RNF151: variants seen among roughly 807,000 people sequenced by gnomAD.
The protein encoded by RNF151 is ring finger protein 151.
A neutral mutation model predicts 11.1 loss-of-function variants in RNF151; 9 were observed. The observed-to-expected ratio is 0.81, with a 90% confidence interval of 0.49 to 1.42. The LOEUF (loss-of-function observed/expected upper bound fraction) is 1.42. Among genes scored for constraint, RNF151 ranks in the 40% most tolerant of loss-of-function variants. The pLI, the probability that RNF151 is intolerant of heterozygous loss-of-function variation, is 0.00. For synonymous variants in RNF151, 172 were observed against 140.7 expected (o/e 1.22, Z -1.58); for missense variants, 372 against 342.9 (o/e 1.08, Z -0.67).
chr16:1,966,874 C>T lies in RNF151; in HGVS notation c.-8C>T, dbSNP rs547764577. 4.6e-5 allele frequency: 72 copies of T among 1,573,948 alleles called. No individual in the cohort carries two copies. The East Asian group carries it at 6.1e-4, about 13-fold the overall frequency. On this transcript the variant is annotated 5_prime_UTR_variant, in exon 1 of 4. The change creates a new upstream start codon in the 5' untranslated region. Coordinates refer to ENST00000569714, the MANE Select transcript of RNF151 (RefSeq NM_174903.6). Reference sequence around the variant, plus strand: ...GGGGCCTGTGGAGCTGCTGTCTAGACGCAGATCATGGTGAGCCTGGGGCCC... The same window carrying T: ...GGGGCCTGTGGAGCTGCTGTCTAGATGCAGATCATGGTGAGCCTGGGGCCC...
Position 1,967,749 on chromosome 16 carries a change from G to T in RNF151, c.174G>T (p.Arg58Ser). The T allele has an allele frequency of 1.9e-6, 3 of 1,611,878 alleles. No homozygotes were observed. Among genetic ancestry groups the T allele is most frequent in the Non-Finnish European group, 2.5e-6 (3 of 1,179,078 alleles). The change falls in exon 3 of 4, where the codon AGG becomes AGT. Residue 58 changes from arginine (R) to serine (S), a missense_variant. Arg to Ser is a moderately radical substitution (Grantham distance 110). Coordinates refer to ENST00000569714, the MANE Select transcript of RNF151 (RefSeq NM_174903.6). Reference sequence around the variant, plus strand: ...GACAAAAGACCTGTCCGTGCTGTAGGAAAGAGGTGAAAAGGAAAAAGGTTG... The same window carrying T: ...GACAAAAGACCTGTCCGTGCTGTAGTAAAGAGGTGAAAAGGAAAAAGGTTG... Reference protein sequence around the residue: ...LARQKTCPCCRKEVKRKKVVH... With the variant: ...LARQKTCPCCSKEVKRKKVVH...
At chr16:1,968,027 C>T (rs1401238394) in intron 3 of RNF151, 3 of 702,762 alleles carry the variant, frequency 4.3e-6, no homozygotes, top group Non-Finnish European at 7.8e-6. Context: ...TTTTCCAAGC[C>T]CCTGGGTTAG....
chr16:1,967,432 A>G lies in RNF151; in HGVS notation c.149+13A>G. 1 of 1,610,990 alleles carries G rather than the reference A, an allele frequency of 6.2e-7. No individual in the cohort carries two copies. The highest frequency in any genetic ancestry group is 8.5e-7 in the Non-Finnish European group (1 of 1,178,352). ...GGTGGCTAGCCAGGTGCCAGCGGGTACCCAAGGGGCTGGGAGGGCAGGAGT... is the reference window on the plus strand; with the variant it reads ...GGTGGCTAGCCAGGTGCCAGCGGGTGCCCAAGGGGCTGGGAGGGCAGGAGT... On this transcript the variant is annotated intron_variant, in intron 2 of 3. Transcript: ENST00000569714.
At position 1,968,928 on chromosome 16, in the gene RNF151, A is replaced by T; in HGVS notation, c.*3A>T. On this transcript the variant is annotated 3_prime_UTR_variant, in exon 4 of 4. Coordinates refer to ENST00000569714, the MANE Select transcript of RNF151 (RefSeq NM_174903.6). ...GGGCCAACATACCTTGTAAATAGGT[A>T]AATAAAAGCAGACCCCCGGCCTGCC... is the stretch of plus-strand genomic sequence containing the variant. 6.3e-7 allele frequency: 1 copy of T among 1,581,642 alleles called. No individual in the cohort carries two copies. The highest frequency in any genetic ancestry group is 1.1e-5 in the South Asian group (1 of 87,008).
chr16:1,967,342 T>C lies in RNF151; in HGVS notation c.72T>C (p.His24=), dbSNP rs750255933. 2.1e-5 allele frequency: 34 copies of C among 1,613,574 alleles called. 1 individual carries two copies. The highest frequency in any genetic ancestry group is 2.2e-5 in the East Asian group (1 of 44,898). ...PDSNFVCSVC[H]GVLKRPARLP... is the part of the protein sequence containing the mutation. Reference sequence around the variant, plus strand: ...GCAACTTCGTGTGCTCCGTCTGCCATGGGGTTCTCAAGAGGCCAGCAAGGT... The same window carrying C: ...GCAACTTCGTGTGCTCCGTCTGCCACGGGGTTCTCAAGAGGCCAGCAAGGT... The change falls in exon 2 of 4, where the codon CAT becomes CAC. Residue 24 remains histidine, a synonymous_variant. Transcript: ENST00000569714.
In RNF151 at chr16:1,967,263, G is replaced by A; in HGVS notation, c.4-11G>A. 1.2e-6 allele frequency: 2 copies of A among 1,611,582 alleles called. No individual in the cohort carries two copies. The highest frequency in any genetic ancestry group is 1.7e-6 in the Non-Finnish European group (2 of 1,178,816). ...CTGTCCCAGCCAGGTGCTGACACCTGGCCTTTGCAGGGTGGCGGGTATGAT... is the reference window on the plus strand; with the variant it reads ...CTGTCCCAGCCAGGTGCTGACACCTAGCCTTTGCAGGGTGGCGGGTATGAT... On this transcript the variant is annotated splice_polypyrimidine_tract_variant and intron_variant, in intron 1 of 3. Coordinates refer to ENST00000569714, the MANE Select transcript of RNF151 (RefSeq NM_174903.6).
At chr16:1,968,388 G>T (rs1051413295) in intron 3 of RNF151, 46 bp from the exon 4 acceptor site, 7 of 1,473,782 alleles carry the variant, frequency 4.7e-6, no homozygotes, top group Non-Finnish European at 6.3e-6. Flanking sequence ...GGGGGATTCC[G>T]TGGGTGTCCT....
chr16:1,968,884 G>A lies in RNF151; in HGVS notation c.697G>A (p.Glu233Lys), dbSNP rs760351448. 2.5e-6 allele frequency: 4 copies of A among 1,600,434 alleles called. No homozygotes were observed. The highest frequency in any genetic ancestry group is 2.6e-6 in the Non-Finnish European group (3 of 1,174,334). ...TGCCCCAGAAGGCAACGTTGGGGCT[G>A]AGGTGGTGGGGGAGCCCAGGGCCAA... ...EAAPEGNVGA[E>K]VVGEPRANIP... Residue 233 changes from glutamate to lysine, a missense_variant, in exon 4 of 4, where the codon GAG becomes AAG. Coordinates refer to ENST00000569714, the MANE Select transcript of RNF151 (RefSeq NM_174903.6).
In RNF151 at chr16:1,967,243, C is replaced by T. The variant is rs368171587; in HGVS notation, c.4-31C>T. The T allele has an allele frequency of 6.0e-5, 96 of 1,602,880 alleles. No individual in the cohort carries two copies. In the African/African-American group the frequency reaches 1.2e-3, roughly 20 times the overall value. ...GTGGACCAGGGACTGGATCACTGTC[C>T]CAGCCAGGTGCTGACACCTGGCCTT... On this transcript the variant is annotated intron_variant, in intron 1 of 3. Transcript: ENST00000569714.
rs758388088 is a variant in RNF151, at chr16:1,968,711, G to T, written c.524G>T (p.Arg175Leu). 6.4e-7 allele frequency: 1 copy of T among 1,566,156 alleles called. No homozygotes were observed. The highest frequency in any genetic ancestry group is 2.4e-5 in the East Asian group (1 of 41,760). ...GCCTGGAGCGTGCGCCAGGAGCGCCGTCGGCCCCTGCTGCTGTCCCTCCTG... is the reference window on the plus strand; with the variant it reads ...GCCTGGAGCGTGCGCCAGGAGCGCCTTCGGCCCCTGCTGCTGTCCCTCCTG... ...HNAWSVRQERRRPLLLSLLRR... is the reference protein window; with the variant it reads ...HNAWSVRQERLRPLLLSLLRR... Residue 175 changes from arginine to leucine, a missense_variant, in exon 4 of 4, where the codon CGT becomes CTT. Physicochemically the swap from Arg to Leu is moderately radical, Grantham distance 102 (BLOSUM62 -2). Transcript: ENST00000569714.
At chr16:1,966,934 C>G in intron 1 of RNF151, 50 bp downstream of exon 1, 4 of 1,537,818 alleles carry the variant, frequency 2.6e-6, no homozygotes, top group Non-Finnish European at 3.5e-6. Flanking sequence ...TGCCCAACTC[C>G]AGAAACCTGC....
chr16:1,968,075 A>T, intron 3 of RNF151: 12 of 693,896 alleles, frequency 1.7e-5, no homozygotes, highest in African/African-American at 1.8e-5. Flanking sequence ...AATGGAGATT[A>T]CAGAGGATTT....
chr16:1,968,012 C>G (rs984007992), intron 3 of RNF151, 191 bp downstream of exon 3: 1 of 704,418 alleles, frequency 1.4e-6, no homozygotes, highest in African/African-American at 1.7e-5. Flanking sequence ...GGCAAGTCAC[C>G]TAACTTTTCC....
rs1403025619 is a variant in RNF151 at position 1,967,295 on chromosome 16, C to A, written c.25C>A (p.Leu9Ile). 5 of 1,613,290 alleles carry A rather than the reference C, an allele frequency of 3.1e-6. No homozygotes were observed. The African/African-American group carries it at 6.7e-5, about 22-fold the overall frequency. Residue 9 changes from leucine (L) to isoleucine (I), a missense_variant, in exon 2 of 4, where the codon CTC becomes ATC. Leu to Ile is a conservative substitution (Grantham distance 5). Coordinates refer to ENST00000569714, the MANE Select transcript of RNF151 (RefSeq NM_174903.6). Reference sequence around the variant, plus strand: ...GCAGGGTGGCGGGTATGATCTCAACCTCTTCGCCAGCCCTCCTGACAGCAA... The same window carrying A: ...GCAGGGTGGCGGGTATGATCTCAACATCTTCGCCAGCCCTCCTGACAGCAA... Reference protein sequence around the residue: MGGGYDLNLFASPPDSNFV... With the variant: MGGGYDLNIFASPPDSNFV...
Position 1,967,734 on chromosome 16 carries a change from C to G in RNF151, c.159C>G (p.Thr53=), listed in dbSNP as rs774390204. The G allele has an allele frequency of 1.9e-6, 3 of 1,610,182 alleles. No individual in the cohort carries two copies. The highest frequency in any genetic ancestry group is 3.4e-5 in the Admixed American group (2 of 59,554). ...CILRWLARQK[T]CPCCRKEVKR... is the part of the protein sequence containing the mutation. ...TCATGCCTCCTTCCAGACAAAAGAC[C>G]TGTCCGTGCTGTAGGAAAGAGGTGA... Residue 53 remains threonine (T), a synonymous_variant, in exon 3 of 4, where the codon ACC becomes ACG. Transcript: ENST00000569714.
At chr16:1,968,223 C>A (rs998235901) in intron 3 of RNF151, among the ~76,000 whole-genome samples, 10 of 152,176 alleles carry the variant, frequency 6.6e-5, no homozygotes, top group African/African-American at 2.2e-4. Context: ...CCTTCCAGTT[C>A]CCCAAGACTC....
At chr16:1,967,944 G>T (rs191324814) in intron 3 of RNF151, 123 bp downstream of exon 3, 6 of 764,648 alleles carry the variant, frequency 7.8e-6, no homozygotes, top group Admixed American at 4.0e-5. Context: ...GCCTTGGGAC[G>T]ACCAGACATA....
chr16:1,968,664 C>T lies in RNF151; in HGVS notation c.477C>T (p.Asn159=), dbSNP rs746651680. The T allele has an allele frequency of 4.2e-5, 66 of 1,568,104 alleles. No individual in the cohort carries two copies. Among genetic ancestry groups the T allele is most frequent in the Admixed American group, 1.3e-4 (7 of 53,324 alleles). The change falls in exon 4 of 4, where the codon AAC becomes AAT. Residue 159 remains asparagine, a synonymous_variant. Coordinates refer to ENST00000569714, the MANE Select transcript of RNF151 (RefSeq NM_174903.6). ...ACCCGGCCGAGCGTGCTCGCCACAACTGCTACCGGGAGCTGCACAACGCCT... is the reference window on the plus strand; with the variant it reads ...ACCCGGCCGAGCGTGCTCGCCACAATTGCTACCGGGAGCTGCACAACGCCT... ...TLDPAERARH[N]CYRELHNAWS...
In RNF151 at chr16:1,968,744, T is replaced by C. The variant is rs772743002; in HGVS notation, c.557T>C (p.Val186Ala). 17 of 1,575,406 alleles carry C rather than the reference T, an allele frequency of 1.1e-5. No homozygotes were observed. Among genetic ancestry groups the C allele is most frequent in the African/African-American group, 2.7e-5 (2 of 73,928 alleles). ...CTGCTGCTGTCCCTCCTGCGGCGTG[T>C]GCGCTGGCTGGACCAAGCCACCAGT... ...RPLLLSLLRR[V>A]RWLDQATSVV... The change falls in exon 4 of 4, where the codon GTG becomes GCG. Residue 186 changes from valine to alanine, a missense_variant. Coordinates refer to ENST00000569714, the MANE Select transcript of RNF151 (RefSeq NM_174903.6).
Sources: gnomAD v4.1 joint callset for allele counts (sites outside exome capture counted in the v4.1 genomes callset) on GRCh38, gnomAD v4.1.1 for gene constraint, MANE v1.5 for transcripts, NCBI Gene and HGNC (gene_info 2026-07-23, HGNC 2026-07-21) for gene names.